The following MECOM variants were observed in gnomAD, a reference collection of about 807,000 sequenced individuals.
MECOM encodes the protein MDS1 and EVI1 complex locus.
A neutral mutation model predicts 116.3 loss-of-function variants in MECOM; 13 were observed. The ratio of observed to expected loss-of-function variants is 0.11; its 90% CI spans 0.07 to 0.18. The LOEUF is 0.18. Ranked by LOEUF, MECOM falls within the 10% of genes least tolerant of loss-of-function variation. The probability of loss-of-function intolerance (pLI) is 1.00; values close to 1 mark genes in which losing one functional copy is unlikely to be tolerated. For synonymous variants in MECOM, 528 were observed against 535.2 expected (o/e 0.99, Z 0.19); for missense variants, 1,299 against 1,509.0 (o/e 0.86, Z 2.31).
intron 1 of MECOM, among the ~76,000 whole-genome samples, chr3:169,572,241 A>G (rs1404867038): frequency 1.3e-5 from 2 of 152,218 alleles, no homozygotes; most frequent in East Asian, 3.8e-4. Context: ...TATGAAAAAA[A>G]GCTTATCATC....
At chr3:169,130,732 T>G (rs1406647543) in intron 4 of MECOM, among the ~76,000 whole-genome samples, 3 of 152,092 alleles carry the variant, frequency 2.0e-5, no homozygotes, top group Non-Finnish European at 4.4e-5. Flanking sequence ...AAGATGCCAC[T>G]AGATTATGTT....
intron 1 of MECOM, among the ~76,000 whole-genome samples, chr3:169,524,980 A>T (rs904306305): frequency 3.3e-4 from 50 of 152,330 alleles, no homozygotes; most frequent in African/African-American, 1.1e-3. Context: ...TTGTTTAAAA[A>T]AAAAAAAGAC....
intron 1 of MECOM, among the ~76,000 whole-genome samples, chr3:169,382,863 A>AG (rs1327688924): frequency 1.2e-5 from 1 of 84,580 alleles, no homozygotes; most frequent in African/African-American, 4.4e-5. Flanking sequence ...AAAAAAAAAA[A>AG]ATAAAAAAAA....
chr3:169,551,989 A>G (rs1761457429), intron 1 of MECOM, among the ~76,000 whole-genome samples: 1 of 152,076 alleles, frequency 6.6e-6, no homozygotes, highest in South Asian at 2.1e-4. Context: ...TTTATCTGAA[A>G]TGTCCAGAAT....
At chr3:169,378,430 A>AAAG (rs1731503387) in intron 2 of MECOM, among the ~76,000 whole-genome samples, 1 of 78,960 alleles carries the variant, frequency 1.3e-5, no homozygotes, top group South Asian at 3.6e-4. Flanking sequence ...AGAAAGAAAG[A>AAAG]AAGAAAGAAA....
chr3:169,616,277 G>A (rs775392977), intron 1 of MECOM, among the ~76,000 whole-genome samples: 1 of 152,154 alleles, frequency 6.6e-6, no homozygotes, highest in Non-Finnish European at 1.5e-5. Context: ...CACGAAGTTT[G>A]GGGAAGAAAA....
intron 1 of MECOM, among the ~76,000 whole-genome samples, chr3:169,449,701 T>G (rs187288845): frequency 6.6e-6 from 1 of 152,172 alleles, no homozygotes; most frequent in African/African-American, 2.4e-5. Flanking sequence ...TATCCCATTA[T>G]CCAACTACAT....
At chr3:169,208,405 T>C (rs1474286223) in intron 2 of MECOM, among the ~76,000 whole-genome samples, 2 of 151,254 alleles carry the variant, frequency 1.3e-5, no homozygotes, top group Non-Finnish European at 2.9e-5. Context: ...TCACTCCAGT[T>C]ATCTGTCTAT....
chr3:169,567,077 C>T (rs1231414524), intron 1 of MECOM, among the ~76,000 whole-genome samples: 4 of 152,216 alleles, frequency 2.6e-5, no homozygotes, highest in African/African-American at 7.2e-5. Context: ...TTTCAGGTCC[C>T]TTTGGCCATT....
intron 1 of MECOM, among the ~76,000 whole-genome samples, chr3:169,394,759 G>C (rs1023067941): frequency 1.3e-5 from 2 of 152,090 alleles, no homozygotes; most frequent in African/African-American, 4.8e-5. Context: ...TATTTATTTG[G>C]ACATAGTTAA....
chr3:169,467,163 G>T (rs537555073), intron 1 of MECOM: 94 of 152,278 alleles, frequency 6.2e-4, no homozygotes, highest in African/African-American at 2.0e-3. Flanking sequence ...GGTAAGGAGA[G>T]TTTGGCAGCC....
intron 14 of MECOM, among the ~76,000 whole-genome samples, chr3:169,091,168 G>A (rs1429932992): frequency 1.3e-5 from 2 of 151,644 alleles, no homozygotes; most frequent in Admixed American, 6.6e-5. Context: ...TTGCATGAGT[G>A]GATTAAAATT....
chr3:169,495,231 C>A (rs917734307), intron 1 of MECOM, among the ~76,000 whole-genome samples: 3 of 152,088 alleles, frequency 2.0e-5, no homozygotes, highest in Non-Finnish European at 4.4e-5. Flanking sequence ...AATTATGTGA[C>A]CGGTTTATAG....
chr3:169,572,999 A>C (rs1483514919), intron 1 of MECOM, among the ~76,000 whole-genome samples: 2 of 152,170 alleles, frequency 1.3e-5, no homozygotes, highest in Non-Finnish European at 2.9e-5. Context: ...GCTATCACAT[A>C]CACAGCCATT....
chr3:169,542,417 C>T (rs1008526552), intron 1 of MECOM, among the ~76,000 whole-genome samples: 1 of 151,970 alleles, frequency 6.6e-6, no homozygotes, highest in Non-Finnish European at 1.5e-5. Context: ...TCACTGTAAA[C>T]AATGCCCTGG....
intron 1 of MECOM, among the ~76,000 whole-genome samples, chr3:169,516,217 A>G (rs989803785): frequency 6.6e-6 from 1 of 152,230 alleles, no homozygotes; most frequent in Admixed American, 6.5e-5. Context: ...AAGGACTTCT[A>G]TGGATTGTTG....
At chr3:169,433,639 G>GAAAGAAAGAAAGAAAGAAAGAA (rs1553851603) in intron 1 of MECOM, among the ~76,000 whole-genome samples, 3 of 126,952 alleles carry the variant, frequency 2.4e-5, no homozygotes, top group Non-Finnish European at 3.3e-5. Flanking sequence ...GAAAGAGAAA[G>GAAAGAAAGAAAGAAAGAAAGAA]AGAAAGAAAG....
At chr3:169,661,877 A>G (rs778269631) in intron 1 of MECOM, among the ~76,000 whole-genome samples, 3 of 152,182 alleles carry the variant, frequency 2.0e-5, no homozygotes, top group Non-Finnish European at 2.9e-5. Context: ...AAACAACACA[A>G]TTAGAGAGTT....
chr3:169,248,865 G>A (rs1755914454), intron 2 of MECOM, among the ~76,000 whole-genome samples: 1 of 152,114 alleles, frequency 6.6e-6, no homozygotes, highest in Non-Finnish European at 1.5e-5. Flanking sequence ...GCCTGCCAAT[G>A]CCTTGATCTT....
Sources: allele counts gnomAD v4.1 joint callset (sites outside exome capture counted in the v4.1 genomes callset), GRCh38; gene constraint gnomAD v4.1.1; transcripts MANE v1.5; gene names NCBI Gene and HGNC (gene_info 2026-07-23, HGNC 2026-07-21).